TF: variants seen among roughly 807,000 people sequenced by gnomAD.
TF encodes the protein serotransferrin.
TF carries 55 observed loss-of-function variants against 82.4 expected under a neutral mutation model. The observed-to-expected ratio is 0.67, with a 90% CI of 0.54 to 0.84. TF has a LOEUF of 0.84. TF is among the 40% of genes least tolerant of loss of function. The pLI, the probability that TF is intolerant of heterozygous loss-of-function variation, is 0.00. For missense variants in TF, 737 were observed against 868.4 expected, an observed-to-expected ratio of 0.85 and a Z score of 1.90; for synonymous variants, 332 against 332.6, an observed-to-expected ratio of 1.00 and a Z score of 0.02.
In TF at chr3:133,766,376, G is replaced by T. The variant is rs121918679; in HGVS notation, c.1429G>T (p.Ala477Ser). The T allele has an allele frequency of 1.2e-6, 2 of 1,614,224 alleles. No homozygotes were observed. The highest frequency in any genetic ancestry group is 1.7e-6 in the Non-Finnish European group (2 of 1,180,022). Residue 477 changes from alanine to serine, a missense_variant, in exon 12 of 17, where the codon GCT becomes TCT. Transcript: ENST00000402696. ...KSCHTAVGRT[A>S]GWNIPMGLLY... ...CTGCCATACGGCAGTTGGCAGAACC[G>T]CTGGCTGGAACATCCCCATGGGCCT...
chr3:133,688,308 C>A, the TF span: 370 of 152,742 alleles, frequency 2.4e-3, 1 homozygote, highest in African/African-American at 8.4e-3. Context: ...AGCAGATGGT[C>A]CCCTTGTCAC....
intron 2 of TF, among the ~76,000 whole-genome samples, chr3:133,751,444 T>G (rs6799293): frequency 0.25 from 37,453 of 151,580 alleles, 4,808 homozygotes; most frequent in Non-Finnish European, 0.29. Flanking sequence ...TGTTAGCCAG[T>G]ATGGTCTCGA....
chr3:133,732,225 T>C, the TF span, among the ~76,000 whole-genome samples: 2 of 152,230 alleles, frequency 1.3e-5, no homozygotes, highest in African/African-American at 2.4e-5. Flanking sequence ...GCAGGCATTA[T>C]TGAGAGGTGA....
chr3:133,671,007 G>A, the TF span, among the ~76,000 whole-genome samples: 1 of 152,178 alleles, frequency 6.6e-6, no homozygotes, highest in African/African-American at 2.4e-5. Flanking sequence ...GCTTGACAAA[G>A]GGCCAGTTTT....
At chr3:133,672,496 G>A in the TF span, among the ~76,000 whole-genome samples, 1 of 150,922 alleles carries the variant, frequency 6.6e-6, no homozygotes, top group Non-Finnish European at 1.5e-5. Flanking sequence ...TCAGCAATAT[G>A]TAAAAAAATG....
At chr3:133,708,159 T>C in the TF span, among the ~76,000 whole-genome samples, 7 of 152,130 alleles carry the variant, frequency 4.6e-5, no homozygotes, top group African/African-American at 1.7e-4. Context: ...ACAATAAAAA[T>C]ACCTACTAGT....
chr3:133,695,317 G>A, the TF span, among the ~76,000 whole-genome samples: 1 of 147,194 alleles, frequency 6.8e-6, no homozygotes, highest in Non-Finnish European at 1.5e-5. Flanking sequence ...GCATGATCTC[G>A]GCTTACTGCA....
chr3:133,673,833 C>G, the TF span, among the ~76,000 whole-genome samples: 3 of 152,286 alleles, frequency 2.0e-5, no homozygotes, highest in African/African-American at 7.2e-5. Flanking sequence ...ATTTATTATA[C>G]TTTAATTAAA....
chr3:133,724,650 T>C, the TF span, among the ~76,000 whole-genome samples: 5 of 152,206 alleles, frequency 3.3e-5, no homozygotes, highest in African/African-American at 1.2e-4. Context: ...GCAGAAGCTC[T>C]TTAGTTTAAT....
chr3:133,667,348 C>T, the TF span, among the ~76,000 whole-genome samples: 1 of 94,284 alleles, frequency 1.1e-5, no homozygotes, highest in Non-Finnish European at 2.1e-5. Flanking sequence ...CAGAGCAAGA[C>T]TCTGACTCAA....
chr3:133,764,229 A>G lies in TF; in HGVS notation c.1251A>G (p.Ile417Met), dbSNP rs1305141007. The stretch of plus-strand genomic sequence containing the variant: ...GCTTGGATGGAGGGTTTGTCTACAT[A>G]GCGGGCAAGTGTGGTCTGGTGCCTG... ...AMSLDGGFVY[I>M]AGKCGLVPVL... Residue 417 changes from isoleucine (I) to methionine (M), a missense_variant, in exon 10 of 17, where the codon ATA becomes ATG. Physicochemically the swap from Ile to Met is conservative, Grantham distance 10. Coordinates refer to ENST00000402696, the MANE Select transcript of TF (RefSeq NM_001063.4). 1 of 1,614,004 alleles carries G rather than the reference A, an allele frequency of 6.2e-7. No homozygotes were observed. Among genetic ancestry groups the G allele is most frequent in the East Asian group, 2.2e-5 (1 of 44,880 alleles).
intron 12 of TF, among the ~76,000 whole-genome samples, chr3:133,767,095 T>A (rs374636694): frequency 1.3e-5 from 2 of 152,174 alleles, no homozygotes; most frequent in East Asian, 1.9e-4. Context: ...CAAGGTTTTG[T>A]ATGGTATGTG....
intron 12 of TF, among the ~76,000 whole-genome samples, chr3:133,766,682 T>C (rs562377854): frequency 6.6e-6 from 1 of 152,212 alleles, no homozygotes; most frequent in Non-Finnish European, 1.5e-5. Flanking sequence ...TATACATTTA[T>C]CTCTCAGGAG....
In TF at chr3:133,764,256, C is replaced by T. The variant is rs747778149; in HGVS notation, c.1278C>T (p.Val426=). 2.5e-6 allele frequency: 4 copies of T among 1,613,846 alleles called. No homozygotes were observed. Among genetic ancestry groups the T allele is most frequent in the Non-Finnish European group, 3.4e-6 (4 of 1,179,784 alleles). The change falls in exon 10 of 17, where the codon GTC becomes GTT. Residue 426 remains valine (V), a synonymous_variant. Coordinates refer to ENST00000402696, the MANE Select transcript of TF (RefSeq NM_001063.4). Reference sequence around the variant, plus strand: ...CGGGCAAGTGTGGTCTGGTGCCTGTCTTGGCAGAAAACTACAATAGTAAGT... The same window carrying T: ...CGGGCAAGTGTGGTCTGGTGCCTGTTTTGGCAGAAAACTACAATAGTAAGT... ...YIAGKCGLVP[V]LAENYNKSDN...
chr3:133,683,753 G>A, the TF span, among the ~76,000 whole-genome samples: 1 of 151,974 alleles, frequency 6.6e-6, no homozygotes, highest in South Asian at 2.1e-4. Context: ...AATAATAATG[G>A]GAGACTTTAA....
In TF at chr3:133,792,131, T is replaced by C. The variant is rs1934854428; in HGVS notation, c.*13511T>C. ...AAATTGCTCAATTTATTTTGGAGCA[T>C]TAGATTCTAGATAAGGCCTGGGGAC... On this transcript the variant is annotated 3_prime_UTR_variant, in exon 17 of 17. Transcript: ENST00000402696. 1 of 152,188 alleles carries C rather than the reference T, an allele frequency of 6.6e-6. No individual in the cohort carries two copies. Among genetic ancestry groups the C allele is most frequent in the East Asian group, 1.9e-4 (1 of 5,204 alleles). 9.4% of individuals were successfully genotyped at this position (152,188 alleles called of 1,614,324 possible).
At chr3:133,743,466 C>T (rs1006842398), upstream of TF, among the ~76,000 whole-genome samples, 4 of 152,048 alleles carry the variant, frequency 2.6e-5, no homozygotes, top group South Asian at 2.1e-4. Flanking sequence ...GCTCCTTGGC[C>T]CCTGCATGTC....
At chr3:133,719,602 T>C in the TF span, among the ~76,000 whole-genome samples, 3 of 152,162 alleles carry the variant, frequency 2.0e-5, no homozygotes, top group African/African-American at 4.8e-5. Flanking sequence ...TTGGGGTCTT[T>C]AGTGATTCCA....
chr3:133,764,494 C>G (rs1489001046), intron 10 of TF, among the ~76,000 whole-genome samples: 1 of 152,196 alleles, frequency 6.6e-6, no homozygotes, highest in African/African-American at 2.4e-5. Flanking sequence ...AATGAAAGTT[C>G]TGCACTGGGA....
Sources: allele counts gnomAD v4.1 joint callset (sites outside exome capture counted in the v4.1 genomes callset), GRCh38; gene constraint gnomAD v4.1.1; transcripts MANE v1.5; gene names NCBI Gene and HGNC (gene_info 2026-07-23, HGNC 2026-07-21).